Variants in SERINC5 observed in about 807,000 individuals in gnomAD.
SERINC5 encodes chromosome 5 open reading frame 12.
SERINC5 carries 41 observed loss-of-function variants against 63.1 expected under a neutral mutation model. That is an observed-to-expected ratio of 0.65 (90% confidence interval 0.51 to 0.84). The LOEUF is 0.84. Ranked by LOEUF, SERINC5 falls within the 40% of genes least tolerant of loss-of-function variation. The pLI is 0.00. For missense variants in SERINC5, 523 were observed against 573.0 expected (o/e 0.91, Z 0.89); for synonymous variants, 222 against 215.2 (o/e 1.03, Z -0.28).
chr5:80,241,641 C>T (rs1751946016), intron 1 of SERINC5, among the ~76,000 whole-genome samples: 1 of 151,594 alleles, frequency 6.6e-6, no homozygotes, highest in Non-Finnish European at 1.5e-5. Context: ...TTTGAGGCTG[C>T]AGTGAGCTAT....
At chr5:80,230,569 G>A (rs1039327354) in intron 1 of SERINC5, among the ~76,000 whole-genome samples, 1 of 151,586 alleles carries the variant, frequency 6.6e-6, no homozygotes, top group Non-Finnish European at 1.5e-5. Flanking sequence ...TGCAACAACA[G>A]CCGCCACTCT....
intron 1 of SERINC5, among the ~76,000 whole-genome samples, chr5:80,237,344 TC>T (rs201146984): frequency 1.8e-5 from 2 of 111,648 alleles, no homozygotes; most frequent in African/African-American, 6.5e-5. Context: ...GCTTTCTCTC[TC>T]TTTTTTTTTC....
chr5:80,183,736 CTG>C (rs1179892054), intron 2 of SERINC5, among the ~76,000 whole-genome samples: 3 of 152,112 alleles, frequency 2.0e-5, no homozygotes, highest in African/African-American at 7.2e-5. Context: ...CCCCCTTTGA[CTG>C]TAATTTTCCA....
chr5:80,139,739 A>G lies in SERINC5; in HGVS notation c.*3924T>C, dbSNP rs1043931523. 1.0e-6 allele frequency: 1 copy of G among 985,492 alleles called. No homozygotes were observed. 61.0% of individuals were successfully genotyped at this position (985,492 alleles called of 1,614,324 possible). Reference sequence around the variant, plus strand: ...CAAGTTACAGGAAATAGCCTTCAGTAAATTCCACAAGCCAAGTGGCTACTG... The same window carrying G: ...CAAGTTACAGGAAATAGCCTTCAGTGAATTCCACAAGCCAAGTGGCTACTG... On this transcript the variant is annotated 3_prime_UTR_variant, in exon 12 of 12. Coordinates refer to ENST00000507668, the MANE Select transcript of SERINC5 (RefSeq NM_001174072.3).
intron 2 of SERINC5, among the ~76,000 whole-genome samples, chr5:80,189,558 C>T (rs1235005026): frequency 2.0e-5 from 3 of 152,192 alleles, no homozygotes; most frequent in Non-Finnish European, 2.9e-5. Flanking sequence ...GAGGTGAACA[C>T]GGCTGATGGA....
intron 1 of SERINC5, among the ~76,000 whole-genome samples, chr5:80,221,721 C>CAT (rs1750913822): frequency 6.7e-6 from 1 of 150,008 alleles, no homozygotes; most frequent in South Asian, 2.1e-4. Context: ...TGCTACCCAC[C>CAT]ATATAGGATA....
intron 11 of SERINC5, among the ~76,000 whole-genome samples, chr5:80,118,342 CTT>C (rs768000399): frequency 5.9e-5 from 9 of 152,130 alleles, no homozygotes; most frequent in Non-Finnish European, 1.2e-4. Flanking sequence ...AACCATCTAT[CTT>C]AGACTGTTCA....
In SERINC5 at chr5:80,140,926, G is replaced by A. The variant is rs959019152; in HGVS notation, c.*2737C>T. ...GTACAAAAAGGTGTAGGAAGCAAAT[G>A]TCTATTATTTTTAAAAGATATCAGT... On this transcript the variant is annotated 3_prime_UTR_variant, in exon 12 of 12. Coordinates refer to ENST00000507668, the MANE Select transcript of SERINC5 (RefSeq NM_001174072.3). 7 of 985,088 alleles carry A rather than the reference G, an allele frequency of 7.1e-6. No homozygotes were observed. The highest frequency in any genetic ancestry group is 3.5e-5 in the African/African-American group (2 of 57,204). The allele number at this position is 985,088 out of a possible 1,614,324, so 61.0% of individuals were successfully genotyped here. A position where few individuals can be genotyped will look rare whatever the true frequency, so the allele number is the denominator to read the frequency against.
intron 1 of SERINC5, among the ~76,000 whole-genome samples, chr5:80,240,793 C>T (rs1336996304): frequency 2.0e-5 from 3 of 152,256 alleles, no homozygotes; most frequent in East Asian, 1.9e-4. Flanking sequence ...CCTCATCCCC[C>T]TGCCGAGCAG....
intron 11 of SERINC5, among the ~76,000 whole-genome samples, chr5:80,125,256 C>G (rs922372306): frequency 4.6e-5 from 7 of 152,168 alleles, no homozygotes; most frequent in African/African-American, 1.7e-4. Flanking sequence ...GAGATACCAC[C>G]ACATAAACGA....
rs199525611 is a variant in SERINC5 at position 80,148,189 on chromosome 5, C to T, written c.1054-905G>A. Among the ~76,000 whole-genome samples, 88 of 102,290 alleles carry T rather than the reference C, an allele frequency of 8.6e-4. 1 individual carries two copies. The highest frequency in any genetic ancestry group is 1.2e-3 in the African/African-American group (30 of 26,046). The allele number at this position is 102,290 out of a possible 152,430, so 67.1% of individuals were successfully genotyped here. On this transcript the variant is annotated intron_variant, in intron 9 of 11. Coordinates refer to ENST00000507668, the MANE Select transcript of SERINC5 (RefSeq NM_001174072.3). ...TCTGGTACCTTGCGTATTTTTTATTCTTTTTTTTTTTTTTTTTTGAGATGG... is the reference window on the plus strand; with the variant it reads ...TCTGGTACCTTGCGTATTTTTTATTTTTTTTTTTTTTTTTTTTTGAGATGG...
downstream of SERINC5, among the ~76,000 whole-genome samples, chr5:80,137,164 C>CACA (rs1554058518): frequency 3.4e-3 from 266 of 79,114 alleles, 4 homozygotes; most frequent in African/African-American, 9.1e-3. Context: ...AAAAAAAAAA[C>CACA]AAAAAAAACA....
chr5:80,124,106 A>G (rs978426308), intron 11 of SERINC5, among the ~76,000 whole-genome samples: 8 of 152,206 alleles, frequency 5.3e-5, no homozygotes, highest in African/African-American at 1.9e-4. Flanking sequence ...GGAAGCCAAC[A>G]TATTATCTGC....
chr5:80,125,686 G>A (rs1392672676), intron 11 of SERINC5, among the ~76,000 whole-genome samples: 1 of 152,164 alleles, frequency 6.6e-6, no homozygotes, highest in Admixed American at 6.5e-5. Context: ...GGGGACGTCC[G>A]ATGATGGGAA....
intron 5 of SERINC5, among the ~76,000 whole-genome samples, chr5:80,171,673 C>G (rs763126009): frequency 2.0e-5 from 3 of 152,068 alleles, no homozygotes; most frequent in Admixed American, 6.6e-5. Flanking sequence ...ATGATACAGC[C>G]TGGCCAACAG....
chr5:80,193,440 C>T (rs1749321059), intron 2 of SERINC5, among the ~76,000 whole-genome samples: 1 of 152,132 alleles, frequency 6.6e-6, no homozygotes, highest in Non-Finnish European at 1.5e-5. Context: ...CTTTAGATGA[C>T]TACAGAAAAA....
rs1454366917 is a variant in SERINC5 at position 80,138,822 on chromosome 5, ATC to A, written c.*4839_*4840del. Reference sequence around the variant, plus strand: ...GACCTGATTAACATCTGAAGGCAACATCTCTGCAAAACAACTAACTTGAGTAC... The same window carrying A: ...GACCTGATTAACATCTGAAGGCAACATCTGCAAAACAACTAACTTGAGTAC... On this transcript the variant is annotated 3_prime_UTR_variant, in exon 12 of 12. Coordinates refer to ENST00000507668, the MANE Select transcript of SERINC5 (RefSeq NM_001174072.3). The A allele has an allele frequency of 1.0e-6, 1 of 984,612 alleles. No homozygotes were observed. The highest frequency in any genetic ancestry group is 1.2e-6 in the Non-Finnish European group (1 of 829,188). The allele number at this position is 984,612 out of a possible 1,614,324, so 61.0% of individuals were successfully genotyped here.
intron 5 of SERINC5, among the ~76,000 whole-genome samples, chr5:80,172,324 C>CA (rs1747722485): frequency 1.3e-5 from 2 of 151,918 alleles, no homozygotes; most frequent in South Asian, 4.2e-4. Flanking sequence ...CTGTCTCACA[C>CA]AAAAAGGGAA....
chr5:80,141,611 G>C lies in SERINC5; in HGVS notation c.*2052C>G. On this transcript the variant is annotated 3_prime_UTR_variant, in exon 12 of 12. Coordinates refer to ENST00000507668, the MANE Select transcript of SERINC5 (RefSeq NM_001174072.3). ...GCTTCCCCTCAGGGTGTTTCCTAAA[G>C]ACAACCCCCAAGGCCCTAGGCCACT... 1 of 985,502 alleles carries C rather than the reference G, an allele frequency of 1.0e-6. No homozygotes were observed. Among genetic ancestry groups the C allele is most frequent in the Non-Finnish European group, 1.2e-6 (1 of 830,040 alleles). 61.0% of individuals were successfully genotyped at this position (985,502 alleles called of 1,614,324 possible). A position where few individuals can be genotyped will look rare whatever the true frequency, so the allele number is the denominator to read the frequency against.
Sources: allele counts gnomAD v4.1 joint callset (sites outside exome capture counted in the v4.1 genomes callset), GRCh38; gene constraint gnomAD v4.1.1; transcripts MANE v1.5; gene names NCBI Gene and HGNC (gene_info 2026-07-23, HGNC 2026-07-21).